CD59: variants seen among roughly 807,000 people sequenced by gnomAD.
The protein encoded by CD59 is CD59 molecule (CD59 blood group), also known as CD59 glycoprotein.
Under a neutral mutation model 7.0 loss-of-function variants are expected in CD59, and 3 were observed. The observed-to-expected ratio is 0.43, with a 90% CI of 0.19 to 1.10. The LOEUF is 1.10. CD59 is among the 50% of genes least tolerant of loss of function. The pLI, the probability that CD59 is intolerant of heterozygous loss-of-function variation, is 0.29. For synonymous variants in CD59, 60 were observed against 62.0 expected, an observed-to-expected ratio of 0.97 and a Z score of 0.15; for missense variants, 143 against 151.0, an observed-to-expected ratio of 0.95 and a Z score of 0.28.
chr11:33,710,357 C>T lies in CD59; in HGVS notation c.170-14G>A. 6.3e-7 allele frequency: 1 copy of T among 1,599,734 alleles called. No homozygotes were observed. Among genetic ancestry groups the T allele is most frequent in the Non-Finnish European group, 8.6e-7 (1 of 1,166,886 alleles). On this transcript the variant is annotated splice_polypyrimidine_tract_variant and intron_variant, in intron 3 of 3. Transcript: ENST00000642928. The stretch of plus-strand genomic sequence containing the variant: ...ACACTTGTAACCCTGTGGGGAGACA[C>T]ACACAAGGGTAAGAAAGTAAGTGGG...
intron 3 of CD59, among the ~76,000 whole-genome samples, chr11:33,712,736 G>A (rs1295423328): frequency 6.6e-6 from 1 of 152,176 alleles, no homozygotes; most frequent in Non-Finnish European, 1.5e-5. Flanking sequence ...AATATACTAA[G>A]AGCCACTGAA....
chr11:33,726,739 G>A (rs1308829985), intron 1 of CD59, among the ~76,000 whole-genome samples: 4 of 152,182 alleles, frequency 2.6e-5, no homozygotes, highest in African/African-American at 9.7e-5. Flanking sequence ...GAATCCAGGA[G>A]CTGGTTTTTT....
In CD59 at chr11:33,710,229, T is replaced by C; in HGVS notation, c.284A>G (p.Asn95Ser). 6.2e-7 allele frequency: 1 copy of C among 1,614,152 alleles called. No individual in the cohort carries two copies. Among genetic ancestry groups the C allele is most frequent in the Non-Finnish European group, 8.5e-7 (1 of 1,180,004 alleles). Residue 95 changes from asparagine (N) to serine (S), a missense_variant, in exon 4 of 4, where the codon AAC (asparagine) becomes AGC (serine). Asn to Ser is a conservative substitution (Grantham distance 46). Transcript: ENST00000642928. ...TYYCCKKDLC[N>S]FNEQLENGGT... The stretch of plus-strand genomic sequence containing the variant: ...ACCATTTTCAAGCTGTTCGTTAAAG[T>C]TACACAGGTCCTTCTTGCAGCAGTA...
At chr11:33,713,621 G>T (rs940723122) in intron 3 of CD59, among the ~76,000 whole-genome samples, 3 of 152,168 alleles carry the variant, frequency 2.0e-5, no homozygotes, top group African/African-American at 7.2e-5. Flanking sequence ...TTACTGCTTT[G>T]TAACAGTAAT....
At chr11:33,722,662 C>A in intron 1 of CD59, 199 bp from the exon 2 acceptor site, 2 of 1,413,106 alleles carry the variant, frequency 1.4e-6, no homozygotes, top group Non-Finnish European at 1.9e-6. Context: ...TCCCTATAAG[C>A]CCCAGTGTGT....
Position 33,710,259 on chromosome 11 carries a change from G to A in CD59, c.254C>T (p.Thr85Met), listed in dbSNP as rs1205512895. 10 of 1,613,990 alleles carry A rather than the reference G, an allele frequency of 6.2e-6. No individual in the cohort carries two copies. Among genetic ancestry groups the A allele is most frequent in the South Asian group, 4.4e-5 (4 of 91,088 alleles). The change falls in exon 4 of 4, where the codon ACG becomes ATG. Residue 85 changes from threonine (T) to methionine (M), a missense_variant. Thr to Met is a moderately conservative substitution (Grantham distance 81, BLOSUM62 -1). Coordinates refer to ENST00000642928, the MANE Select transcript of CD59 (RefSeq NM_000611.6). ...CAGGTCCTTCTTGCAGCAGTAGTAC[G>A]TTAGCTCATTTTCCCTCAAGCGGGT... Reference protein sequence around the residue: ...VTTRLRENELTYYCCKKDLCN... With the variant: ...VTTRLRENELMYYCCKKDLCN...
chr11:33,724,880 C>A (rs953952270), intron 1 of CD59, among the ~76,000 whole-genome samples: 13 of 150,382 alleles, frequency 8.6e-5, no homozygotes, highest in Non-Finnish European at 1.6e-4. Context: ...ATGCCAAGGT[C>A]GGGCTGTTCC....
chr11:33,722,286 C>G, intron 2 of CD59, 93 bp downstream of exon 2: 1 of 932,082 alleles, frequency 1.1e-6, no homozygotes, highest in Non-Finnish European at 1.8e-6. Flanking sequence ...CAAAGCCAGG[C>G]CTGGAGGAGC....
rs1188248942 is a variant in CD59, at chr11:33,705,720, G to A, written c.*4406C>T. 6.6e-6 allele frequency: 1 copy of A among 152,178 alleles called. No homozygotes were observed. Among genetic ancestry groups the A allele is most frequent in the Non-Finnish European group, 1.5e-5 (1 of 68,050 alleles). The allele number at this position is 152,178 out of a possible 1,614,324, so 9.4% of individuals were successfully genotyped here. On this transcript the variant is annotated 3_prime_UTR_variant, in exon 4 of 4. Transcript: ENST00000642928. ...GCGACTTCGCCTTCTAACTGTGGGA[G>A]CCAGTTCTCCCTAATAACCTCCCTT... is the stretch of plus-strand genomic sequence containing the variant.
intron 1 of CD59, among the ~76,000 whole-genome samples, chr11:33,727,391 C>T (rs1475442830): frequency 1.3e-5 from 2 of 152,144 alleles, no homozygotes; most frequent in Admixed American, 6.6e-5. Flanking sequence ...TAAACATAAT[C>T]CATCACATAA....
At chr11:33,734,987 TA>T (rs1243828378) in intron 1 of CD59, among the ~76,000 whole-genome samples, 3 of 152,228 alleles carry the variant, frequency 2.0e-5, no homozygotes, top group Non-Finnish European at 4.4e-5. Flanking sequence ...TTCTTACAGC[TA>T]AGTTCAGCAA....
chr11:33,729,454 G>A (rs954299121), intron 1 of CD59, among the ~76,000 whole-genome samples: 1 of 152,056 alleles, frequency 6.6e-6, no homozygotes, highest in African/African-American at 2.4e-5. Context: ...ACTTGTCAGT[G>A]GGAGTTAAAC....
intron 2 of CD59, among the ~76,000 whole-genome samples, chr11:33,721,873 A>G (rs1026003014): frequency 2.0e-5 from 3 of 152,210 alleles, no homozygotes; most frequent in Admixed American, 2.0e-4. Context: ...GGTTGGCATG[A>G]GGATTAAATA....
chr11:33,709,618 T>C lies in CD59; in HGVS notation c.*508A>G, dbSNP rs1159971002. ...TGCCAGAAGTCCTCTAGCTCTGCAT[T>C]AAGGATCTTGTTGTCCCTGACTGAC... On this transcript the variant is annotated 3_prime_UTR_variant, in exon 4 of 4. Coordinates refer to ENST00000642928, the MANE Select transcript of CD59 (RefSeq NM_000611.6). The C allele has an allele frequency of 5.0e-6, 1 of 199,202 alleles. No homozygotes were observed. The highest frequency in any genetic ancestry group is 1.0e-5 in the Non-Finnish European group (1 of 95,932). 12.3% of individuals were successfully genotyped at this position (199,202 alleles called of 1,614,324 possible).
In CD59 at chr11:33,727,395, C is replaced by T. The variant is rs538647583; in HGVS notation, c.-18-4932G>A. Reference sequence around the variant, plus strand: ...ATGCAAATCAATAAACATAATCCATCACATAAACAGAACCAACGACAAAAA... The same window carrying T: ...ATGCAAATCAATAAACATAATCCATTACATAAACAGAACCAACGACAAAAA... On this transcript the variant is annotated intron_variant, in intron 1 of 3. Transcript: ENST00000642928. Among the ~76,000 whole-genome samples the T allele has an allele frequency of 2.6e-5, 4 of 152,306 alleles. No homozygotes were observed. In the East Asian group the frequency reaches 7.7e-4, roughly 29 times the overall value.
chr11:33,716,968 CT>C (rs1266435712), intron 3 of CD59, among the ~76,000 whole-genome samples: 2 of 152,178 alleles, frequency 1.3e-5, no homozygotes, highest in African/African-American at 4.8e-5. Flanking sequence ...TGTATGTGTC[CT>C]TTCTTTATCT....
intron 3 of CD59, chr11:33,711,590 T>A: frequency 3.5e-6 from 2 of 571,802 alleles, no homozygotes; most frequent in Non-Finnish European, 6.1e-6. Context: ...GGCAGGAGGA[T>A]CACTTGGACT....
At chr11:33,717,765 T>C (rs186205177) in intron 2 of CD59, 18 of 394,102 alleles carry the variant, frequency 4.6e-5, no homozygotes, top group Admixed American at 1.1e-4. Flanking sequence ...AATGTAATGA[T>C]GTGTTAAGAA....
At chr11:33,729,505 C>T (rs907237032) in intron 1 of CD59, among the ~76,000 whole-genome samples, 5 of 148,952 alleles carry the variant, frequency 3.4e-5, no homozygotes, top group Non-Finnish European at 5.9e-5. Flanking sequence ...CATCAGACAC[C>T]AGGGCCTGTC....
Sources: gnomAD v4.1 joint callset for allele counts (sites outside exome capture counted in the v4.1 genomes callset) on GRCh38, gnomAD v4.1.1 for gene constraint, MANE v1.5 for transcripts, NCBI Gene and HGNC (gene_info 2026-07-23, HGNC 2026-07-21) for gene names.